The following DPP6 variants were observed in gnomAD, a reference collection of about 807,000 sequenced individuals.
The protein encoded by DPP6 is dipeptidyl peptidase like 6.
In DPP6, 69 loss-of-function variants were observed where a neutral mutation model predicts 122.6. The ratio of observed to expected loss-of-function variants is 0.56; its 90% confidence interval spans 0.46 to 0.69. The LOEUF is 0.69. DPP6 is among the 30% of genes least tolerant of loss of function. The pLI is 0.00. For missense variants in DPP6, 928 were observed against 1,116.9 expected (o/e 0.83, Z 2.41); for synonymous variants, 418 against 433.1 (o/e 0.97, Z 0.43).
the DPP6 span, among the ~76,000 whole-genome samples, chr7:153,860,267 G>A: frequency 6.6e-6 from 1 of 152,098 alleles, no homozygotes; most frequent in African/African-American, 2.4e-5. Context: ...CACCATGTTG[G>A]GGCTGCAGGG....
In DPP6 at chr7:154,407,070, A is replaced by T. The variant is rs547228885; in HGVS notation, c.244-39144A>T. Among the ~76,000 whole-genome samples, 3 of 152,208 alleles carry T rather than the reference A, an allele frequency of 2.0e-5. No homozygotes were observed. The South Asian group carries it at 6.2e-4, about 32-fold the overall frequency. ...ACTTCATTGCCCCAGCCTACTTGTC[A>T]AATCCATTGTCCTGTTAATTTTCTC... On this transcript the variant is annotated intron_variant, in intron 1 of 25. Coordinates refer to ENST00000377770, the MANE Select transcript of DPP6 (RefSeq NM_130797.4).
chr7:153,928,012 C>G (rs1408789100), intron 1 of DPP6, among the ~76,000 whole-genome samples: 3 of 152,180 alleles, frequency 2.0e-5, no homozygotes, highest in Non-Finnish European at 4.4e-5. Flanking sequence ...GCCTCTCTTT[C>G]TCTTGCGCTG....
At chr7:153,953,976 C>T (rs978261855) in intron 1 of DPP6, among the ~76,000 whole-genome samples, 3 of 152,188 alleles carry the variant, frequency 2.0e-5, no homozygotes, top group African/African-American at 7.2e-5. Flanking sequence ...CCCAGAAGTC[C>T]TCAGTTTTTG....
the DPP6 span, among the ~76,000 whole-genome samples, chr7:153,787,776 A>G: frequency 6.6e-6 from 1 of 151,870 alleles, no homozygotes; most frequent in South Asian, 2.1e-4. Context: ...AATAAGAAAA[A>G]AAGAAAAGCT....
chr7:154,555,538 G>A (rs1327652366), intron 4 of DPP6, among the ~76,000 whole-genome samples: 1 of 151,980 alleles, frequency 6.6e-6, no homozygotes, highest in East Asian at 1.9e-4. Context: ...AATGGGTGCA[G>A]CACACCAACA....
At chr7:153,945,004 T>C (rs1801882425) in intron 1 of DPP6, among the ~76,000 whole-genome samples, 1 of 152,112 alleles carries the variant, frequency 6.6e-6, no homozygotes, top group African/African-American at 2.4e-5. Flanking sequence ...CCGCTGTGCT[T>C]TGCCCTGTCC....
chr7:154,000,892 T>A (rs973985415), intron 1 of DPP6, among the ~76,000 whole-genome samples: 1 of 152,140 alleles, frequency 6.6e-6, no homozygotes, highest in Non-Finnish European at 1.5e-5. Flanking sequence ...GTCACATTGC[T>A]ACACTGTACT....
At chr7:153,786,978 C>G in the DPP6 span, among the ~76,000 whole-genome samples, 52,165 of 134,052 alleles carry the variant, frequency 0.39, 11,317 homozygotes, top group South Asian at 0.48. Context: ...TTAATATGGA[C>G]TCTCGCTCTG....
intron 1 of DPP6, among the ~76,000 whole-genome samples, chr7:154,384,712 TC>T (rs1292539183): frequency 6.8e-6 from 1 of 146,072 alleles, no homozygotes; most frequent in Non-Finnish European, 1.5e-5. Context: ...ATGTCTAAGT[TC>T]TTTTTTTCTT....
intron 1 of DPP6, among the ~76,000 whole-genome samples, chr7:154,307,941 T>A (rs1360299817): frequency 1.3e-5 from 2 of 149,344 alleles, no homozygotes; most frequent in East Asian, 3.9e-4. Flanking sequence ...AAGCAGGGGG[T>A]CATTAAACTG....
intron 7 of DPP6, among the ~76,000 whole-genome samples, chr7:154,706,202 C>T (rs959121471): frequency 3.3e-5 from 5 of 152,216 alleles, no homozygotes; most frequent in Non-Finnish European, 7.3e-5. Flanking sequence ...CCTCTCACCG[C>T]CTGCCTTGGC....
chr7:154,827,935 G>A (rs1800307465), intron 16 of DPP6, among the ~76,000 whole-genome samples: 1 of 152,172 alleles, frequency 6.6e-6, no homozygotes, highest in Non-Finnish European at 1.5e-5. Context: ...TCTCCCTGTT[G>A]GGGATGGAAG....
chr7:154,278,359 C>T (rs1024915935), intron 1 of DPP6, among the ~76,000 whole-genome samples: 3 of 152,176 alleles, frequency 2.0e-5, no homozygotes, highest in East Asian at 1.9e-4. Flanking sequence ...GTTCACATGC[C>T]CTCGTGGAAG....
At position 154,099,104 on chromosome 7, in the gene DPP6, G is replaced by GA. The variant is rs1461607166; in HGVS notation, c.243+46045dup. 4.0e-5 allele frequency among the ~76,000 whole-genome samples: 6 copies of GA among 151,126 alleles called. No homozygotes were observed. In the East Asian group the frequency reaches 1.2e-3, roughly 30 times the overall value. On this transcript the variant is annotated intron_variant, in intron 1 of 25. Transcript: ENST00000377770. ...GAGTAAAAATGGAAATTCAGTGATA[G>GA]AAAATGGAGGTTTGCTCCATGTAAG...
intron 1 of DPP6, among the ~76,000 whole-genome samples, chr7:153,992,352 T>A (rs1028413310): frequency 6.6e-6 from 1 of 152,240 alleles, no homozygotes; most frequent in Admixed American, 6.5e-5. Context: ...TCCTGACTTC[T>A]GATTTTTATT....
At chr7:154,255,598 C>T (rs1563375305) in intron 1 of DPP6, among the ~76,000 whole-genome samples, 4 of 152,314 alleles carry the variant, frequency 2.6e-5, no homozygotes, top group South Asian at 4.1e-4. Flanking sequence ...CTCTCCCCTC[C>T]TCCTGCCCTG....
At chr7:154,735,540 G>T (rs997978386) in intron 8 of DPP6, among the ~76,000 whole-genome samples, 7 of 152,194 alleles carry the variant, frequency 4.6e-5, no homozygotes, top group African/African-American at 1.4e-4. Context: ...AATGCTTTGG[G>T]TATTTCATGT....
chr7:153,793,805 C>T, the DPP6 span, among the ~76,000 whole-genome samples: 1 of 152,094 alleles, frequency 6.6e-6, no homozygotes, highest in Non-Finnish European at 1.5e-5. Context: ...TGTGTGCAGC[C>T]TAGGGACTTG....
intron 1 of DPP6, among the ~76,000 whole-genome samples, chr7:154,367,910 G>A (rs35201509): frequency 0.012 from 1,810 of 152,244 alleles, 17 homozygotes; most frequent in Non-Finnish European, 0.018. Context: ...GGGTTCAAGC[G>A]ATTCTCCTGC....
Sources: gnomAD v4.1 joint callset for allele counts (sites outside exome capture counted in the v4.1 genomes callset) on GRCh38, gnomAD v4.1.1 for gene constraint, MANE v1.5 for transcripts, NCBI Gene and HGNC (gene_info 2026-07-23, HGNC 2026-07-21) for gene names.